The following MYO3A variants were observed in gnomAD, a reference collection of about 807,000 sequenced individuals.
MYO3A encodes the protein myosin IIIA.
Under a neutral mutation model 192.7 loss-of-function variants are expected in MYO3A, and 180 were observed. The ratio of observed to expected loss-of-function variants is 0.93; its 90% CI spans 0.83 to 1.06. The LOEUF is 1.06. Among genes scored for constraint, MYO3A ranks in the 50% least tolerant of loss-of-function variants. MYO3A has a pLI of 0.00. For synonymous variants in MYO3A, 628 were observed against 645.3 expected, an observed-to-expected ratio of 0.97 and a Z score of 0.41; for missense variants, 1,896 against 1,905.0, an observed-to-expected ratio of 1.00 and a Z score of 0.09.
chr10:26,087,921 C>T (rs1014169940), intron 14 of MYO3A, among the ~76,000 whole-genome samples: 4 of 152,164 alleles, frequency 2.6e-5, no homozygotes, highest in Non-Finnish European at 5.9e-5. Context: ...CTTCAATGTG[C>T]GTAGGCTGCT....
At chr10:26,199,784 T>A (rs1843597489) in intron 32 of MYO3A, among the ~76,000 whole-genome samples, 1 of 152,138 alleles carries the variant, frequency 6.6e-6, no homozygotes, top group Non-Finnish European at 1.5e-5. Context: ...AAAGGGCATC[T>A]CTGTCACTCA....
chr10:26,152,435 A>T lies in MYO3A; in HGVS notation c.2636-1415A>T, dbSNP rs138036833. ...AAAATGTTAGAGTTAGAGTTCTTCA[A>T]TTCTATATTATGATGTCTTCAAGAT... On this transcript the variant is annotated intron_variant, in intron 23 of 34. Transcript: ENST00000642920. Among the ~76,000 whole-genome samples the T allele has an allele frequency of 1.0e-3, 155 of 152,276 alleles. 2 individuals are homozygous for T. The highest frequency in any genetic ancestry group is 3.5e-3 in the African/African-American group (147 of 41,560).
rs1834924233 is a variant in MYO3A, at chr10:26,067,485, C to T, written c.1053+411C>T. Among the ~76,000 whole-genome samples, 4 of 152,254 alleles carry T rather than the reference C, an allele frequency of 2.6e-5. No homozygotes were observed. In the South Asian group the frequency reaches 8.3e-4, roughly 32 times the overall value. On this transcript the variant is annotated intron_variant, in intron 11 of 34. Coordinates refer to ENST00000642920, the MANE Select transcript of MYO3A (RefSeq NM_017433.5). ...ATTGTAACCACCATGTGGTGGCCTC[C>T]CGCTTTGTCCTCTCCTGTTTCAGCT... is the stretch of plus-strand genomic sequence containing the variant.
chr10:25,976,754 G>C (rs985663814), intron 4 of MYO3A, among the ~76,000 whole-genome samples: 2 of 151,954 alleles, frequency 1.3e-5, no homozygotes, highest in Non-Finnish European at 2.9e-5. Context: ...TTTTAGCATT[G>C]TGTTGCAAAA....
At chr10:26,085,252 A>G (rs1207058699) in intron 14 of MYO3A, among the ~76,000 whole-genome samples, 1 of 149,662 alleles carries the variant, frequency 6.7e-6, no homozygotes, top group African/African-American at 2.5e-5. Context: ...TATTTGATTT[A>G]TTTTTGCTCA....
At position 26,125,513 on chromosome 10, in the gene MYO3A, T is replaced by C. The variant is rs768894993; in HGVS notation, c.2019T>C (p.Asp673=). ...CCAATACTGTAGAAAAAGCTACCGA[T>C]GTCAGGGATGCCATGGCTAAAACTT... The part of the protein sequence containing the change: ...IRPNTVEKAT[D]VRDAMAKTLY... Residue 673 remains aspartate (D), a synonymous_variant, in exon 19 of 35, where the codon GAT becomes GAC. Coordinates refer to ENST00000642920, the MANE Select transcript of MYO3A (RefSeq NM_017433.5). The C allele has an allele frequency of 2.5e-6, 4 of 1,613,958 alleles. No homozygotes were observed. Among genetic ancestry groups the C allele is most frequent in the South Asian group, 1.1e-5 (1 of 91,088 alleles).
intron 4 of MYO3A, among the ~76,000 whole-genome samples, chr10:25,974,140 C>T (rs1838832393): frequency 6.6e-6 from 1 of 152,160 alleles, no homozygotes; most frequent in African/African-American, 2.4e-5. Context: ...AAACTATCAT[C>T]AGAGCGAACA....
At chr10:26,001,827 A>C (rs12260539) in intron 6 of MYO3A, among the ~76,000 whole-genome samples, 14,292 of 152,168 alleles carry the variant, frequency 0.094, 1,181 homozygotes, top group African/African-American at 0.21. Flanking sequence ...ACAAAAACTT[A>C]TTTTAAAAAA....
chr10:26,150,191 A>G (rs1026010352), intron 23 of MYO3A, among the ~76,000 whole-genome samples: 1 of 152,186 alleles, frequency 6.6e-6, no homozygotes, highest in Non-Finnish European at 1.5e-5. Flanking sequence ...GAAAAACCTC[A>G]AATGGTCATG....
chr10:25,941,452 G>T (rs1436313585), intron 2 of MYO3A, among the ~76,000 whole-genome samples: 1 of 152,126 alleles, frequency 6.6e-6, no homozygotes, highest in African/African-American at 2.4e-5. Context: ...TGAGATGTCG[G>T]TCCCCGAGAT....
chr10:25,971,702 T>C (rs1206634621), intron 4 of MYO3A, among the ~76,000 whole-genome samples: 1 of 152,204 alleles, frequency 6.6e-6, no homozygotes, highest in Non-Finnish European at 1.5e-5. Flanking sequence ...TAATGAGAAG[T>C]CAGTTGTTAA....
chr10:25,958,330 C>T (rs574165045), intron 4 of MYO3A, among the ~76,000 whole-genome samples: 1 of 152,254 alleles, frequency 6.6e-6, no homozygotes, highest in African/African-American at 2.4e-5. Flanking sequence ...TATCCCAGCA[C>T]CATTTATTGA....
At chr10:26,121,741 ACT>A (rs369851533) in intron 18 of MYO3A, among the ~76,000 whole-genome samples, 78 of 152,280 alleles carry the variant, frequency 5.1e-4, no homozygotes, top group African/African-American at 1.5e-3. Flanking sequence ...ACGGAGCAAG[ACT>A]CTGTCTCAAA....
At chr10:26,112,885 G>A (rs1838276993) in intron 17 of MYO3A, among the ~76,000 whole-genome samples, 2 of 152,276 alleles carry the variant, frequency 1.3e-5, no homozygotes, top group South Asian at 4.1e-4. Flanking sequence ...GTAGTTTGAT[G>A]ATTCAATGAG....
In MYO3A at chr10:26,096,369, CT is replaced by C. The variant is rs752571350; in HGVS notation, c.1563-5del. The C allele has an allele frequency of 3.2e-6, 5 of 1,557,210 alleles. No individual in the cohort carries two copies. In the African/African-American group the frequency reaches 5.4e-5, roughly 17 times the overall value. ...TTACTAACTACCTTACTGTAAATATCTTTTTTTCCAGTGGAGAAAAAAATTT... is the reference window on the plus strand; with the variant it reads ...TTACTAACTACCTTACTGTAAATATCTTTTTTCCAGTGGAGAAAAAAATTT... On this transcript the variant is annotated splice_polypyrimidine_tract_variant and intron_variant, in intron 15 of 34. Transcript: ENST00000642920.
chr10:26,003,922 A>G (rs1474728768), intron 6 of MYO3A, among the ~76,000 whole-genome samples: 2 of 152,272 alleles, frequency 1.3e-5, no homozygotes, highest in South Asian at 4.1e-4. Context: ...CCCAATGCAT[A>G]ATGTAGGTCA....
chr10:26,188,800 A>G (rs1209462262), intron 31 of MYO3A, among the ~76,000 whole-genome samples: 2 of 152,144 alleles, frequency 1.3e-5, no homozygotes, highest in Non-Finnish European at 2.9e-5. Context: ...ATAGTTGTAG[A>G]TAAGTGGCAT....
chr10:26,014,844 A>G (rs1483543266), intron 6 of MYO3A, among the ~76,000 whole-genome samples: 1 of 152,136 alleles, frequency 6.6e-6, no homozygotes, highest in Non-Finnish European at 1.5e-5. Flanking sequence ...CTCTATTGAG[A>G]TGTCAAGGGT....
At chr10:26,201,711 C>T (rs1165126225) in intron 33 of MYO3A, among the ~76,000 whole-genome samples, 1 of 151,736 alleles carries the variant, frequency 6.6e-6, no homozygotes, top group Non-Finnish European at 1.5e-5. Flanking sequence ...AAAAAATCAC[C>T]TATTTTATAT....
Sources: allele counts gnomAD v4.1 joint callset (sites outside exome capture counted in the v4.1 genomes callset), GRCh38; gene constraint gnomAD v4.1.1; transcripts MANE v1.5; gene names NCBI Gene and HGNC (gene_info 2026-07-23, HGNC 2026-07-21).